The following NAA40 variants were observed in gnomAD, a reference collection of about 807,000 sequenced individuals.
The protein encoded by NAA40 is N-alpha-acetyltransferase 40.
In NAA40, 26 loss-of-function variants were observed where a neutral mutation model predicts 36.6. That is an observed-to-expected ratio of 0.71 (90% CI 0.52 to 0.98). NAA40 has a LOEUF of 0.98. Among genes scored for constraint, NAA40 ranks in the 50% least tolerant of loss-of-function variants. The pLI is 0.00. For missense variants in NAA40, 237 were observed against 306.5 expected (o/e 0.77, Z 1.69); for synonymous variants, 129 against 108.4 (o/e 1.19, Z -1.18).
intron 1 of NAA40, among the ~76,000 whole-genome samples, chr11:63,945,239 G>A (rs1304797581): frequency 6.6e-6 from 1 of 152,170 alleles, no homozygotes; most frequent in Non-Finnish European, 1.5e-5. Context: ...GTCACTGGGT[G>A]TGCCCTGTCA....
At chr11:63,939,188 G>A (rs957610973) in intron 1 of NAA40, 86 bp downstream of exon 1, 4 of 1,389,670 alleles carry the variant, frequency 2.9e-6, no homozygotes, top group Non-Finnish European at 3.8e-6. Context: ...CCCCTCTCAC[G>A]TGACCCCGAC....
intron 3 of NAA40, chr11:63,952,018 T>G: frequency 3.9e-6 from 2 of 514,720 alleles, no homozygotes; most frequent in Non-Finnish European, 6.9e-6. Context: ...AAACGGGCCT[T>G]GTGGTTGGGG....
At chr11:63,939,836 G>C (rs1164088200) in intron 1 of NAA40, among the ~76,000 whole-genome samples, 1 of 152,098 alleles carries the variant, frequency 6.6e-6, no homozygotes, top group Non-Finnish European at 1.5e-5. Flanking sequence ...GGGGAGGCGG[G>C]GGCGGCGGCC....
intron 1 of NAA40, among the ~76,000 whole-genome samples, chr11:63,942,401 C>T (rs1218290431): frequency 6.6e-6 from 1 of 152,092 alleles, no homozygotes; most frequent in African/African-American, 2.4e-5. Context: ...GTAGACATTG[C>T]GAGCCCCATT....
Position 63,957,212 on chromosome 11 carries a change from A to ATATTTTTT in NAA40, c.*2734_*2735insATTTTTTT, listed in dbSNP as rs1278673521. The ATATTTTTT allele has an allele frequency of 6.1e-4, 39 of 64,318 alleles. No homozygotes were observed. Among genetic ancestry groups the ATATTTTTT allele is most frequent in the African/African-American group, 1.5e-3 (37 of 23,980 alleles). 4.0% of individuals were successfully genotyped at this position (64,318 alleles called of 1,614,324 possible). ...CCTTGATATATATATATATATATAT[A>ATATTTTTT]TTTTTTTTTTTCTTTAGCAGCTTGT... is the stretch of plus-strand genomic sequence containing the variant. On this transcript the variant is annotated 3_prime_UTR_variant, in exon 8 of 8. Transcript: ENST00000377793.
rs536434851 is a variant in NAA40 at position 63,954,244 on chromosome 11, G to A, written c.573-94G>A. 4 of 1,496,122 alleles carry A rather than the reference G, an allele frequency of 2.7e-6. No homozygotes were observed. The East Asian group carries it at 6.9e-5, about 26-fold the overall frequency. 92.7% of individuals were successfully genotyped at this position (1,496,122 alleles called of 1,614,324 possible). A position where few individuals can be genotyped will look rare whatever the true frequency, so the allele number is the denominator to read the frequency against. ...CACCTCCTGCACCCTCATCCTAAGG[G>A]TCTCATCAGTGTGGCTGGTAGAAGA... On this transcript the variant is annotated intron_variant, in intron 7 of 7. Coordinates refer to ENST00000377793, the MANE Select transcript of NAA40 (RefSeq NM_024771.4).
intron 3 of NAA40, among the ~76,000 whole-genome samples, chr11:63,947,629 CA>C (rs1420232802): frequency 1.3e-5 from 2 of 151,818 alleles, no homozygotes; most frequent in African/African-American, 4.8e-5. Flanking sequence ...CGGCTCACTG[CA>C]ACCTCCGCCT....
intron 3 of NAA40, 28 bp downstream of exon 3, chr11:63,947,031 C>T: frequency 6.2e-7 from 1 of 1,602,452 alleles, no homozygotes; most frequent in Non-Finnish European, 8.6e-7. Flanking sequence ...TTACCAACTG[C>T]TGTCTCCTCG....
At chr11:63,944,008 T>G (rs1038727825) in intron 1 of NAA40, among the ~76,000 whole-genome samples, 1 of 152,174 alleles carries the variant, frequency 6.6e-6, no homozygotes, top group African/African-American at 2.4e-5. Context: ...AGGTAAGATA[T>G]GAGATCTTGC....
Position 63,946,777 on chromosome 11 carries a change from A to G in NAA40, c.103-174A>G, listed in dbSNP as rs531918277. On this transcript the variant is annotated intron_variant, in intron 2 of 7. Transcript: ENST00000377793. ...CTTTCCACCAAAGCCTTCCTCGCAC[A>G]TGTGACTTCAGAGCTAGGCAAATGG... 184 of 1,540,258 alleles carry G rather than the reference A, an allele frequency of 1.2e-4. No individual in the cohort carries two copies. The South Asian group carries it at 2.2e-3, about 18-fold the overall frequency.
chr11:63,952,857 A>G lies in NAA40; in HGVS notation c.494+18A>G. On this transcript the variant is annotated intron_variant, in intron 6 of 7. Coordinates refer to ENST00000377793, the MANE Select transcript of NAA40 (RefSeq NM_024771.4). ...GCCAACAGGTAAGGCCTCCCTTCTT[A>G]GGAGGCCCATATAGCACTCAGTTGG... 1 of 1,605,898 alleles carries G rather than the reference A, an allele frequency of 6.2e-7. No individual in the cohort carries two copies. Among genetic ancestry groups the G allele is most frequent in the Non-Finnish European group, 8.5e-7 (1 of 1,172,714 alleles).
intron 1 of NAA40, among the ~76,000 whole-genome samples, chr11:63,942,551 C>A (rs1942125221): frequency 6.6e-6 from 1 of 152,196 alleles, no homozygotes; most frequent in South Asian, 2.1e-4. Context: ...CCCGCACTCT[C>A]TTTTTTTGTA....
Position 63,952,814 on chromosome 11 carries a change from C to G in NAA40, c.469C>G (p.Gln157Glu). The change falls in exon 6 of 8, where the codon CAG (glutamine) becomes GAG (glutamate). Residue 157 changes from glutamine to glutamate, a missense_variant. Physicochemically the swap from Gln to Glu is conservative, Grantham distance 29. Coordinates refer to ENST00000377793, the MANE Select transcript of NAA40 (RefSeq NM_024771.4). ...GAAAGGCCTGGGGAAGTTCCTCATA[C>G]AGATCCTGCAGCTCATGGCCAACAG... is the stretch of plus-strand genomic sequence containing the variant. ...RRKGLGKFLI[Q>E]ILQLMANSTQ... 1.2e-6 allele frequency: 2 copies of G among 1,614,116 alleles called. No individual in the cohort carries two copies. The highest frequency in any genetic ancestry group is 1.7e-6 in the Non-Finnish European group (2 of 1,180,016).
intron 7 of NAA40, 101 bp from the exon 8 acceptor site, chr11:63,954,237 C>G: frequency 2.0e-6 from 3 of 1,474,086 alleles, no homozygotes; most frequent in Non-Finnish European, 2.7e-6. Flanking sequence ...GCACCCTCAT[C>G]CTAAGGGTCT....
At chr11:63,948,742 A>G (rs913443311) in intron 3 of NAA40, among the ~76,000 whole-genome samples, 7 of 151,224 alleles carry the variant, frequency 4.6e-5, no homozygotes, top group African/African-American at 9.7e-5. Flanking sequence ...ATTTTTTGGT[A>G]GAGAAGGGGT....
chr11:63,954,074 C>G, intron 7 of NAA40, 25 bp downstream of exon 7: 1 of 1,612,476 alleles, frequency 6.2e-7, no homozygotes. Flanking sequence ...GTGGGCCCTT[C>G]TGGGTGGTAG....
chr11:63,946,824 T>A, intron 2 of NAA40, 127 bp from the exon 3 acceptor site: 1 of 1,581,524 alleles, frequency 6.3e-7, no homozygotes, highest in Non-Finnish European at 8.6e-7. Context: ...AGGCTGCTCC[T>A]GGTTCTGAAG....
intron 2 of NAA40, 96 bp downstream of exon 2, chr11:63,946,031 C>A: frequency 9.4e-7 from 1 of 1,060,146 alleles, no homozygotes; most frequent in South Asian, 1.3e-5. Context: ...AGAATTGTGA[C>A]ACTACCCACC....
At chr11:63,940,290 T>C (rs1942087888) in intron 1 of NAA40, among the ~76,000 whole-genome samples, 1 of 152,080 alleles carries the variant, frequency 6.6e-6, no homozygotes, top group South Asian at 2.1e-4. Flanking sequence ...ACCTCGTGAT[T>C]CACCCGCCTA....
Sources: allele counts gnomAD v4.1 joint callset (sites outside exome capture counted in the v4.1 genomes callset), GRCh38; gene constraint gnomAD v4.1.1; transcripts MANE v1.5; gene names NCBI Gene and HGNC (gene_info 2026-07-23, HGNC 2026-07-21).